The following ARHGAP31 variants were observed in gnomAD, a reference collection of about 807,000 sequenced individuals.
ARHGAP31 encodes Rho GTPase activating protein 31.
Under a neutral mutation model 113.9 loss-of-function variants are expected in ARHGAP31, and 34 were observed. The ratio of observed to expected loss-of-function variants is 0.30; its 90% CI spans 0.23 to 0.40. The LOEUF is 0.40. ARHGAP31 is among the 10% of genes least tolerant of loss of function. ARHGAP31 has a pLI of 1.00. For synonymous variants in ARHGAP31, 650 were observed against 684.8 expected (o/e 0.95, Z 0.79); for missense variants, 1,548 against 1,767.1 (o/e 0.88, Z 2.22).
rs549039916 is a variant in ARHGAP31 at position 119,337,430 on chromosome 3, G to A, written c.101-27886G>A. On this transcript the variant is annotated intron_variant, in intron 1 of 11. Coordinates refer to ENST00000264245, the MANE Select transcript of ARHGAP31 (RefSeq NM_020754.4). ...GTGAGTGTTACAGCTCATAAAGGCA[G>A]CACAGACCCAAAGAGTGACCAGCAC... 2.4e-3 allele frequency among the ~76,000 whole-genome samples: 356 copies of A among 146,752 alleles called. 4 individuals carry two copies. Among genetic ancestry groups the A allele is most frequent in the African/African-American group, 9.5e-3 (345 of 36,446 alleles).
intron 11 of ARHGAP31, among the ~76,000 whole-genome samples, chr3:119,412,804 A>C (rs1156481533): frequency 1.3e-5 from 2 of 151,890 alleles, no homozygotes; most frequent in Non-Finnish European, 2.9e-5. Flanking sequence ...TGGGAAAATT[A>C]CTTGAGCCCA....
Position 119,303,494 on chromosome 3 carries a change from C to T in ARHGAP31, c.100+8490C>T, listed in dbSNP as rs534220968. On this transcript the variant is annotated intron_variant, in intron 1 of 11. Transcript: ENST00000264245. ...TCGAGTCTCAGGCACTCTTTGTTCT[C>T]GTTTAAGCTTGGTTGATGCATACCA... 5.3e-5 allele frequency among the ~76,000 whole-genome samples: 8 copies of T among 152,286 alleles called. No individual in the cohort carries two copies. The South Asian group carries it at 8.3e-4, about 16-fold the overall frequency.
At chr3:119,389,148 G>A (rs532330534) in intron 6 of ARHGAP31, among the ~76,000 whole-genome samples, 4 of 152,076 alleles carry the variant, frequency 2.6e-5, no homozygotes, top group African/African-American at 9.6e-5. Flanking sequence ...GCGACAGAGC[G>A]AGACTCCGTT....
At chr3:119,297,945 C>CACACACACACACACACACACA (rs1559958490) in intron 1 of ARHGAP31, among the ~76,000 whole-genome samples, 3 of 150,642 alleles carry the variant, frequency 2.0e-5, no homozygotes, top group Admixed American at 6.6e-5. Flanking sequence ...CACACACACA[C>CACACACACACACACACACACA]CGTGTATGCA....
intron 3 of ARHGAP31, among the ~76,000 whole-genome samples, chr3:119,371,479 T>C (rs2080296448): frequency 6.6e-6 from 1 of 152,210 alleles, no homozygotes; most frequent in African/African-American, 2.4e-5. Flanking sequence ...TCTATATACA[T>C]AGGATCTAGT....
intron 2 of ARHGAP31, among the ~76,000 whole-genome samples, chr3:119,366,752 C>A (rs146037775): frequency 8.6e-5 from 13 of 151,154 alleles, no homozygotes; most frequent in African/African-American, 2.7e-4. Flanking sequence ...TAAAAACATT[C>A]TCTTTTTAAA....
chr3:119,336,097 C>T (rs541420930), intron 1 of ARHGAP31, among the ~76,000 whole-genome samples: 2 of 152,148 alleles, frequency 1.3e-5, no homozygotes, highest in African/African-American at 4.8e-5. Flanking sequence ...ATCGCTTGAA[C>T]CTGGGAGGCG....
intron 1 of ARHGAP31, among the ~76,000 whole-genome samples, chr3:119,299,960 T>G (rs567632666): frequency 6.6e-6 from 1 of 152,360 alleles, no homozygotes; most frequent in East Asian, 1.9e-4. Flanking sequence ...TGGCACATCG[T>G]GGTCACACCT....
intron 5 of ARHGAP31, 51 bp downstream of exon 5, chr3:119,382,450 C>A: frequency 6.6e-7 from 1 of 1,525,852 alleles, no homozygotes; most frequent in Non-Finnish European, 9.0e-7. Context: ...TCAGAGCAGC[C>A]CCCGATTGAA....
At chr3:119,351,793 G>T (rs1428877347) in intron 1 of ARHGAP31, among the ~76,000 whole-genome samples, 1 of 152,178 alleles carries the variant, frequency 6.6e-6, no homozygotes, top group Non-Finnish European at 1.5e-5. Context: ...ACATGCGGCC[G>T]TTCTCTGTAT....
At chr3:119,371,875 C>T (rs1373504430) in intron 3 of ARHGAP31, among the ~76,000 whole-genome samples, 8 of 152,172 alleles carry the variant, frequency 5.3e-5, no homozygotes, top group African/African-American at 1.9e-4. Flanking sequence ...TTTTCTGTTC[C>T]TGCATTAGTT....
intron 1 of ARHGAP31, among the ~76,000 whole-genome samples, chr3:119,350,803 G>A (rs1044460483): frequency 6.6e-6 from 1 of 152,164 alleles, no homozygotes; most frequent in Non-Finnish European, 1.5e-5. Flanking sequence ...ACCATTAACA[G>A]TACAAATGAG....
chr3:119,376,514 T>C (rs891519191), intron 3 of ARHGAP31, among the ~76,000 whole-genome samples: 2 of 152,068 alleles, frequency 1.3e-5, no homozygotes, highest in Admixed American at 6.6e-5. Flanking sequence ...CCTAAGCAAG[T>C]TCAGTGTGTC....
intron 3 of ARHGAP31, among the ~76,000 whole-genome samples, chr3:119,377,417 T>C (rs1403379145): frequency 6.6e-6 from 1 of 152,150 alleles, no homozygotes; most frequent in African/African-American, 2.4e-5. Flanking sequence ...GAGTCAAAGA[T>C]GAAGTGAAGA....
chr3:119,347,579 G>A (rs59988366), intron 1 of ARHGAP31, among the ~76,000 whole-genome samples: 2,068 of 152,218 alleles, frequency 0.014, 48 homozygotes, highest in African/African-American at 0.047. Context: ...GAAGCTTTAC[G>A]GTGGCCTCCT....
intron 9 of ARHGAP31, 40 bp downstream of exon 9, chr3:119,399,301 C>A: frequency 6.4e-7 from 1 of 1,551,730 alleles, no homozygotes; most frequent in Non-Finnish European, 8.9e-7. Context: ...GAGATTACAA[C>A]TAGGAGGCTG....
chr3:119,323,067 A>G (rs997101358), intron 1 of ARHGAP31, among the ~76,000 whole-genome samples: 9 of 152,260 alleles, frequency 5.9e-5, no homozygotes, highest in Admixed American at 2.0e-4. Flanking sequence ...AGCTCGAAAG[A>G]CGGTGGCGCT....
chr3:119,320,505 ATAT>A (rs1473353161), intron 1 of ARHGAP31, among the ~76,000 whole-genome samples: 1 of 152,240 alleles, frequency 6.6e-6, no homozygotes, highest in African/African-American at 2.4e-5. Flanking sequence ...GGATTAAAAA[ATAT>A]TATCCTGATA....
chr3:119,362,071 T>C (rs139289500), intron 1 of ARHGAP31, among the ~76,000 whole-genome samples: 113 of 152,326 alleles, frequency 7.4e-4, no homozygotes, highest in Non-Finnish European at 1.4e-3. Context: ...GAGCCTGAAG[T>C]GCTGCAGCTG....
Sources: gnomAD v4.1 joint callset for allele counts (sites outside exome capture counted in the v4.1 genomes callset) on GRCh38, gnomAD v4.1.1 for gene constraint, MANE v1.5 for transcripts, NCBI Gene and HGNC (gene_info 2026-07-23, HGNC 2026-07-21) for gene names.